QTMAN: variants seen among roughly 807,000 people sequenced by gnomAD.
The protein encoded by QTMAN is queuosine-tRNA mannosyltransferase.
chr2:144,041,031 CCATT>C, the QTMAN span, among the ~76,000 whole-genome samples: 1 of 152,096 alleles, frequency 6.6e-6, no homozygotes, highest in East Asian at 1.9e-4. Context: ...ATTCATTCAT[CCATT>C]CATTCATTCA....
the QTMAN span, among the ~76,000 whole-genome samples, chr2:144,127,503 T>A: frequency 1.1e-4 from 17 of 152,038 alleles, no homozygotes; most frequent in Admixed American, 2.0e-4. Flanking sequence ...ATGGTAGTGG[T>A]ATGTGGATTA....
chr2:144,137,455 A>C, the QTMAN span, among the ~76,000 whole-genome samples: 11 of 152,132 alleles, frequency 7.2e-5, no homozygotes, highest in South Asian at 2.3e-3. Flanking sequence ...GCTGTCAGTC[A>C]GCTGTCACTT....
chr2:144,197,200 C>G, the QTMAN span, among the ~76,000 whole-genome samples: 1 of 151,978 alleles, frequency 6.6e-6, no homozygotes, highest in African/African-American at 2.4e-5. Context: ...AAGGTAAATT[C>G]TGTAGTAAAA....
At chr2:144,090,100 G>C in the QTMAN span, among the ~76,000 whole-genome samples, 1 of 151,828 alleles carries the variant, frequency 6.6e-6, no homozygotes, top group Admixed American at 6.6e-5. Flanking sequence ...ATCTAATAGA[G>C]AAACAAACAA....
At chr2:144,000,817 T>C in the QTMAN span, among the ~76,000 whole-genome samples, 2 of 152,020 alleles carry the variant, frequency 1.3e-5, no homozygotes, top group African/African-American at 4.8e-5. Context: ...GTGACGATCA[T>C]TCTTCTCTTA....
the QTMAN span, among the ~76,000 whole-genome samples, chr2:144,136,598 C>T: frequency 7.9e-5 from 12 of 152,086 alleles, no homozygotes; most frequent in African/African-American, 2.2e-4. Flanking sequence ...TTCTGCTAGG[C>T]CTTGCCTTTA....
the QTMAN span, among the ~76,000 whole-genome samples, chr2:144,046,767 A>C: frequency 6.6e-6 from 1 of 152,194 alleles, no homozygotes; most frequent in African/African-American, 2.4e-5. Context: ...ATTTCTAACA[A>C]AATATTCTAT....
the QTMAN span, among the ~76,000 whole-genome samples, chr2:144,181,944 T>C: frequency 6.6e-6 from 1 of 152,160 alleles, no homozygotes; most frequent in East Asian, 1.9e-4. Context: ...GTGGGTCAAA[T>C]ATGCCCTCCT....
chr2:144,029,883 C>T, the QTMAN span, among the ~76,000 whole-genome samples: 2 of 152,118 alleles, frequency 1.3e-5, no homozygotes, highest in South Asian at 4.2e-4. Flanking sequence ...AATTCTATAA[C>T]CTGTATATAA....
the QTMAN span, among the ~76,000 whole-genome samples, chr2:144,218,873 A>C: frequency 6.6e-6 from 1 of 151,172 alleles, no homozygotes; most frequent in African/African-American, 2.4e-5. Context: ...AAAAGGCCAT[A>C]ATCTCACAAT....
chr2:144,245,953 C>T, the QTMAN span, among the ~76,000 whole-genome samples: 1 of 152,056 alleles, frequency 6.6e-6, no homozygotes, highest in African/African-American at 2.4e-5. Context: ...GTTCTCTCTC[C>T]TTTTAATCCT....
chr2:143,942,528 G>T, the QTMAN span: 1 of 167,314 alleles, frequency 6.0e-6, no homozygotes, highest in African/African-American at 2.4e-5. Flanking sequence ...CTAACAGGCA[G>T]CTCTGAATTT....
the QTMAN span, among the ~76,000 whole-genome samples, chr2:144,172,399 T>C: frequency 1.3e-5 from 2 of 151,880 alleles, no homozygotes; most frequent in African/African-American, 4.8e-5. Flanking sequence ...GATGGGCAGA[T>C]CACTTGAGCC....
chr2:144,317,062 G>A, the QTMAN span, among the ~76,000 whole-genome samples: 1 of 152,116 alleles, frequency 6.6e-6, no homozygotes, highest in Admixed American at 6.5e-5. Flanking sequence ...ACAAGCCACT[G>A]TATTCCATTG....
the QTMAN span, among the ~76,000 whole-genome samples, chr2:144,232,459 T>C: frequency 2.0e-5 from 3 of 152,334 alleles, no homozygotes; most frequent in African/African-American, 7.2e-5. Flanking sequence ...TGTTTCACAT[T>C]AATAATTCAA....
chr2:144,098,582 G>A, the QTMAN span, among the ~76,000 whole-genome samples: 3 of 151,916 alleles, frequency 2.0e-5, no homozygotes, highest in East Asian at 1.9e-4. Context: ...AGATGTGGCG[G>A]CATGCACCTG....
chr2:143,976,652 T>A, the QTMAN span, among the ~76,000 whole-genome samples: 1 of 152,204 alleles, frequency 6.6e-6, no homozygotes, highest in Non-Finnish European at 1.5e-5. Flanking sequence ...TGGTGTGTCA[T>A]AGTGCTTTGA....
the QTMAN span, among the ~76,000 whole-genome samples, chr2:144,230,875 A>G: frequency 2.0e-5 from 3 of 152,324 alleles, no homozygotes; most frequent in African/African-American, 7.2e-5. Context: ...CTAAAAATGA[A>G]GCTAACTCAA....
the QTMAN span, among the ~76,000 whole-genome samples, chr2:144,287,445 A>AG: frequency 6.6e-6 from 1 of 152,086 alleles, no homozygotes; most frequent in African/African-American, 2.4e-5. Flanking sequence ...TCTCAAAAAA[A>AG]AAAAAAAAAC....
Sources: allele counts gnomAD v4.1 joint callset (sites outside exome capture counted in the v4.1 genomes callset), GRCh38; gene constraint gnomAD v4.1.1; transcripts MANE v1.5; gene names NCBI Gene and HGNC (gene_info 2026-07-23, HGNC 2026-07-21).